Variants in ADAM10 observed in about 807,000 individuals in gnomAD.
ADAM10 encodes the protein disintegrin and metalloproteinase domain-containing protein 10.
ADAM10 carries 17 observed loss-of-function variants against 90.1 expected under a neutral mutation model. That is an observed-to-expected ratio of 0.19 (90% confidence interval 0.13 to 0.28). The LOEUF is 0.28. Among genes scored for constraint, ADAM10 ranks in the 10% least tolerant of loss-of-function variants. The pLI, the probability that ADAM10 is intolerant of heterozygous loss-of-function variation, is 1.00. For missense variants in ADAM10, 610 were observed against 914.3 expected, an observed-to-expected ratio of 0.67 and a Z score of 4.29; for synonymous variants, 310 against 298.6, an observed-to-expected ratio of 1.04 and a Z score of -0.40.
At chr15:58,689,941 C>G (rs1484049449) in intron 2 of ADAM10, among the ~76,000 whole-genome samples, 22 of 113,356 alleles carry the variant, frequency 1.9e-4, no homozygotes, top group African/African-American at 7.7e-4. Context: ...AAACCAAAGA[C>G]AGACCCCCCC....
intron 2 of ADAM10, chr15:58,692,048 T>C (rs1339886160): frequency 3.6e-5 from 17 of 468,668 alleles, no homozygotes; most frequent in Non-Finnish European, 6.0e-5. Flanking sequence ...CGGGAGATGT[T>C]TGGGGAAAGA....
chr15:58,611,429 A>T, intron 12 of ADAM10: 1 of 328,116 alleles, frequency 3.0e-6, no homozygotes, highest in Non-Finnish European at 5.6e-6. Context: ...GAAAAATTAA[A>T]TTTTTTTCCT....
At chr15:58,664,607 G>C (rs1438936759) in intron 5 of ADAM10, among the ~76,000 whole-genome samples, 1 of 151,860 alleles carries the variant, frequency 6.6e-6, no homozygotes, top group African/African-American at 2.4e-5. Flanking sequence ...TTCTCATTTT[G>C]AACTTATGTT....
chr15:58,621,670 T>G (rs199913538), intron 10 of ADAM10, 49 bp from the exon 11 acceptor site: 43 of 1,607,598 alleles, frequency 2.7e-5, no homozygotes, highest in South Asian at 2.6e-4. Flanking sequence ...ACACATTAAT[T>G]TTATTTAAAA....
At position 58,593,737 on chromosome 15, in the gene ADAM10, C is replaced by T. The variant is rs1408717025; in HGVS notation, c.*3810G>A. The stretch of plus-strand genomic sequence containing the variant: ...CTAATCAGTATTTTGCTCAATGCTC[C>T]GTTTTACCTAGCATCCTGTTGCTTT... On this transcript the variant is annotated 3_prime_UTR_variant, in exon 16 of 16. Transcript: ENST00000260408. 2 of 152,160 alleles carry T rather than the reference C, an allele frequency of 1.3e-5. No individual in the cohort carries two copies. The highest frequency in any genetic ancestry group is 4.8e-5 in the African/African-American group (2 of 41,434). 9.4% of individuals were successfully genotyped at this position (152,160 alleles called of 1,614,324 possible). A position where few individuals can be genotyped will look rare whatever the true frequency, so the allele number is the denominator to read the frequency against.
chr15:58,613,923 C>T (rs1895525543), intron 11 of ADAM10, among the ~76,000 whole-genome samples: 1 of 152,134 alleles, frequency 6.6e-6, no homozygotes, highest in Admixed American at 6.5e-5. Flanking sequence ...CAAGATCAAC[C>T]TAGGCAATGT....
chr15:58,661,335 T>C (rs1276618452), intron 5 of ADAM10, among the ~76,000 whole-genome samples: 1 of 152,220 alleles, frequency 6.6e-6, no homozygotes, highest in African/African-American at 2.4e-5. Context: ...TCTTACAGTG[T>C]AGGTCACCTA....
At chr15:58,686,744 G>A (rs1440128387) in intron 2 of ADAM10, 9 of 583,292 alleles carry the variant, frequency 1.5e-5, no homozygotes, top group South Asian at 4.2e-5. Context: ...CTGTGGCCCC[G>A]TCCTATAGCC....
At chr15:58,688,786 A>ATATATATC in intron 2 of ADAM10, among the ~76,000 whole-genome samples, 19 of 122,392 alleles carry the variant, frequency 1.6e-4, no homozygotes, top group African/African-American at 6.5e-4. Flanking sequence ...ATATATATAT[A>ATATATATC]TCTCTCTCTC....
rs1195578653 is a variant in ADAM10, at chr15:58,624,736, T to C, written c.1360+2964A>G. Among the ~76,000 whole-genome samples, 5 of 152,298 alleles carry C rather than the reference T, an allele frequency of 3.3e-5. No homozygotes were observed. In the East Asian group the frequency reaches 9.7e-4, roughly 29 times the overall value. ...TTTGTAGAGACAGGGTTTCGCTACA[T>C]TGGCCAGGCTGGTTTCGAACTCCTG... On this transcript the variant is annotated intron_variant, in intron 10 of 15. Coordinates refer to ENST00000260408, the MANE Select transcript of ADAM10 (RefSeq NM_001110.4).
At chr15:58,746,615 T>TA (rs1203564571) in intron 1 of ADAM10, among the ~76,000 whole-genome samples, 1 of 152,168 alleles carries the variant, frequency 6.6e-6, no homozygotes, top group Non-Finnish European at 1.5e-5. Context: ...AAAAATGTCT[T>TA]AAGACAAGGA....
chr15:58,671,576 A>G (rs891797417), intron 4 of ADAM10, among the ~76,000 whole-genome samples: 7 of 152,186 alleles, frequency 4.6e-5, no homozygotes, highest in East Asian at 1.9e-4. Context: ...CTCATCACTT[A>G]TAAGAGTTGA....
chr15:58,669,679 T>A (rs1897151962), intron 4 of ADAM10, among the ~76,000 whole-genome samples: 1 of 152,178 alleles, frequency 6.6e-6, no homozygotes, highest in Admixed American at 6.5e-5. Flanking sequence ...CAATACTTGA[T>A]GAGTTAATAT....
intron 14 of ADAM10, among the ~76,000 whole-genome samples, chr15:58,607,520 T>C (rs1292915356): frequency 6.6e-6 from 1 of 152,204 alleles, no homozygotes; most frequent in African/African-American, 2.4e-5. Context: ...CCAGAACATC[T>C]AATGGAACTA....
chr15:58,680,331 T>C (rs541246906), intron 3 of ADAM10, among the ~76,000 whole-genome samples: 1 of 152,210 alleles, frequency 6.6e-6, no homozygotes, highest in Non-Finnish European at 1.5e-5. Context: ...CTATGTTTCC[T>C]AGGCTGGTCT....
At chr15:58,697,557 C>T (rs924341322) in intron 2 of ADAM10, among the ~76,000 whole-genome samples, 18 of 152,306 alleles carry the variant, frequency 1.2e-4, no homozygotes, top group Admixed American at 7.8e-4. Context: ...CAACCACATG[C>T]ACCACCTGCA....
Position 58,688,786 on chromosome 15 carries a change from A to ATATC in ADAM10, c.207-6473_207-6472insGATA. Among the ~76,000 whole-genome samples the ATATC allele has an allele frequency of 4.3e-3, 527 of 122,372 alleles. 2 individuals carry two copies. Among genetic ancestry groups the ATATC allele is most frequent in the African/African-American group, 5.1e-3 (143 of 27,828 alleles). The allele number at this position is 122,372 out of a possible 152,430, so 80.3% of individuals were successfully genotyped here. On this transcript the variant is annotated intron_variant, in intron 2 of 15. Coordinates refer to ENST00000260408, the MANE Select transcript of ADAM10 (RefSeq NM_001110.4). ...AAAAATTATATATATATATATATAT[A>ATATC]TCTCTCTCTCTCACTGGACTGACTT...
intron 2 of ADAM10, among the ~76,000 whole-genome samples, chr15:58,710,787 C>T (rs1028851384): frequency 6.6e-6 from 1 of 152,178 alleles, no homozygotes; most frequent in African/African-American, 2.4e-5. Flanking sequence ...TATTCCCTAG[C>T]TCTTCTCTAT....
At chr15:58,702,725 G>C (rs1398428838) in intron 2 of ADAM10, among the ~76,000 whole-genome samples, 4 of 152,160 alleles carry the variant, frequency 2.6e-5, no homozygotes, top group Non-Finnish European at 4.4e-5. Context: ...TCAAGTAGCA[G>C]TGCAGATAAT....
Sources: allele counts gnomAD v4.1 joint callset (sites outside exome capture counted in the v4.1 genomes callset), GRCh38; gene constraint gnomAD v4.1.1; transcripts MANE v1.5; gene names NCBI Gene and HGNC (gene_info 2026-07-23, HGNC 2026-07-21).